Variants in DTNB observed in about 807,000 individuals in gnomAD.
The protein encoded by DTNB is dystrobrevin beta.
A neutral mutation model predicts 90.7 loss-of-function variants in DTNB; 63 were observed. The ratio of observed to expected loss-of-function variants is 0.69; its 90% CI spans 0.57 to 0.86. DTNB has a LOEUF of 0.86. DTNB is among the 40% of genes least tolerant of loss of function. The pLI is 0.00. For synonymous variants in DTNB, 277 were observed against 286.7 expected, an observed-to-expected ratio of 0.97 and a Z score of 0.34; for missense variants, 744 against 807.1, an observed-to-expected ratio of 0.92 and a Z score of 0.95.
intron 6 of DTNB, among the ~76,000 whole-genome samples, chr2:25,587,433 A>G (rs2062657154): frequency 6.6e-6 from 1 of 152,188 alleles, no homozygotes; most frequent in Admixed American, 6.5e-5. Flanking sequence ...TTAGTCATAC[A>G]TAAAGCAGTA....
chr2:25,627,556 T>C (rs1033453765), intron 4 of DTNB, among the ~76,000 whole-genome samples: 14 of 152,184 alleles, frequency 9.2e-5, no homozygotes, highest in African/African-American at 3.1e-4. Flanking sequence ...ATAATCAAAT[T>C]CAAAACTTAG....
intron 9 of DTNB, among the ~76,000 whole-genome samples, chr2:25,509,970 C>T (rs747479154): frequency 2.6e-5 from 4 of 151,814 alleles, no homozygotes; most frequent in Non-Finnish European, 4.4e-5. Flanking sequence ...AGCCTGGTCT[C>T]GAACGCCTGA....
intron 1 of DTNB, among the ~76,000 whole-genome samples, chr2:25,661,153 AAT>A (rs1443983010): frequency 6.6e-6 from 1 of 152,238 alleles, no homozygotes; most frequent in Non-Finnish European, 1.5e-5. Context: ...GTAGTCTCAA[AAT>A]ATCTTTTAAT....
chr2:25,412,865 C>T (rs2046941216), intron 16 of DTNB, among the ~76,000 whole-genome samples: 1 of 152,142 alleles, frequency 6.6e-6, no homozygotes, highest in Non-Finnish European at 1.5e-5. Context: ...TTGATTGAGG[C>T]CAGAGAGGCC....
At chr2:25,488,922 G>A (rs1314757637) in intron 9 of DTNB, among the ~76,000 whole-genome samples, 5 of 152,170 alleles carry the variant, frequency 3.3e-5, no homozygotes, top group African/African-American at 1.2e-4. Context: ...AAGTGCTGGG[G>A]TTACAGGCGT....
At chr2:25,467,983 G>T (rs537213383) in intron 10 of DTNB, among the ~76,000 whole-genome samples, 1 of 152,094 alleles carries the variant, frequency 6.6e-6, no homozygotes, top group Non-Finnish European at 1.5e-5. Context: ...GCTGTAGTTT[G>T]CCAACCGCTG....
chr2:25,513,497 C>A (rs560322778), intron 9 of DTNB, among the ~76,000 whole-genome samples: 1 of 152,124 alleles, frequency 6.6e-6, no homozygotes, highest in East Asian at 1.9e-4. Flanking sequence ...CCGAGGCAGG[C>A]GATCACTTGG....
At chr2:25,441,914 T>C (rs980335306) in intron 12 of DTNB, among the ~76,000 whole-genome samples, 4 of 152,196 alleles carry the variant, frequency 2.6e-5, no homozygotes, top group Admixed American at 2.6e-4. Flanking sequence ...TAATCTGCAT[T>C]CTGGCTAGGA....
At position 25,531,553 on chromosome 2, in the gene DTNB, C is replaced by G. The variant is rs752490299; in HGVS notation, c.921G>C (p.Leu307Phe). The part of the protein sequence containing the change: ...KKLSHAISKS[L>F]GCVPTREPPH... ...GGGGTTCTCTCGTGGGTACACACCC[C>G]AAAGATTTACTAATTGCATGGCTCA... The change falls in exon 9 of 21, where the codon TTG becomes TTC. Residue 307 changes from leucine to phenylalanine, a missense_variant. Leu to Phe is a conservative substitution (Grantham distance 22). Transcript: ENST00000406818. 1 of 1,613,426 alleles carries G rather than the reference C, an allele frequency of 6.2e-7. No individual in the cohort carries two copies. Among genetic ancestry groups the G allele is most frequent in the Non-Finnish European group, 8.5e-7 (1 of 1,179,802 alleles).
chr2:25,458,671 G>C (rs2150184058), intron 10 of DTNB, among the ~76,000 whole-genome samples: 1 of 152,202 alleles, frequency 6.6e-6, no homozygotes, highest in East Asian at 1.9e-4. Context: ...TTGAGATGGA[G>C]TCTTGCTCTG....
At chr2:25,433,083 T>G in intron 13 of DTNB, 84 bp from the exon 14 acceptor site, 2 of 1,302,832 alleles carry the variant, frequency 1.5e-6, no homozygotes, top group Non-Finnish European at 2.1e-6. Flanking sequence ...TTTTCAACTC[T>G]AGCAGTGCCT....
At chr2:25,652,964 G>A (rs1291783031) in intron 1 of DTNB, 1 of 230,560 alleles carries the variant, frequency 4.3e-6, no homozygotes, top group East Asian at 9.0e-5. Flanking sequence ...TCCTGGATTA[G>A]TTGAGGTAAC....
At chr2:25,599,403 G>A in intron 5 of DTNB, among the ~76,000 whole-genome samples, 1 of 151,230 alleles carries the variant, frequency 6.6e-6, no homozygotes, top group East Asian at 1.9e-4. Flanking sequence ...GTGCAGTGGT[G>A]TGATCTTGGC....
intron 9 of DTNB, among the ~76,000 whole-genome samples, chr2:25,525,799 C>T (rs1450393525): frequency 2.6e-5 from 4 of 152,012 alleles, no homozygotes; most frequent in Non-Finnish European, 4.4e-5. Flanking sequence ...ATAGAAGAAA[C>T]GTGAAGTCAG....
chr2:25,485,305 G>T (rs2065901420), intron 9 of DTNB, among the ~76,000 whole-genome samples: 1 of 151,986 alleles, frequency 6.6e-6, no homozygotes, highest in African/African-American at 2.4e-5. Context: ...ACCATTCCCG[G>T]CCACCTGCTA....
chr2:25,592,766 A>G (rs1283701576), intron 6 of DTNB, among the ~76,000 whole-genome samples: 2 of 152,220 alleles, frequency 1.3e-5, no homozygotes, highest in Non-Finnish European at 2.9e-5. Flanking sequence ...CTTAAAAATC[A>G]TAAGGTATAT....
chr2:25,660,905 T>G (rs1022955354), intron 1 of DTNB, among the ~76,000 whole-genome samples: 1 of 152,202 alleles, frequency 6.6e-6, no homozygotes, highest in African/African-American at 2.4e-5. Context: ...ACAAAGTACA[T>G]TCCTGTCAGT....
At chr2:25,502,836 A>C in intron 9 of DTNB, among the ~76,000 whole-genome samples, 1 of 145,564 alleles carries the variant, frequency 6.9e-6, no homozygotes, top group South Asian at 2.2e-4. Flanking sequence ...CAGTGAGCTG[A>C]GATTGCACCA....
intron 20 of DTNB, among the ~76,000 whole-genome samples, 153 bp downstream of exon 20, chr2:25,379,137 G>C (rs1042599293): frequency 6.6e-6 from 1 of 152,210 alleles, no homozygotes. Context: ...ACATGGCTGG[G>C]GTGGGCAAAG....
Sources: allele counts gnomAD v4.1 joint callset (sites outside exome capture counted in the v4.1 genomes callset), GRCh38; gene constraint gnomAD v4.1.1; transcripts MANE v1.5; gene names NCBI Gene and HGNC (gene_info 2026-07-23, HGNC 2026-07-21).